THOC2: variants seen among roughly 807,000 people sequenced by gnomAD.
THOC2 encodes the protein THO complex 2.
THOC2 carries 10 observed loss-of-function variants against 128.4 expected under a neutral mutation model. The observed-to-expected ratio is 0.08, with a 90% CI of 0.05 to 0.13. The LOEUF is 0.13. Ranked by LOEUF, THOC2 falls within the 10% of genes least tolerant of loss-of-function variation. The pLI is 1.00. For missense variants in THOC2, 535 were observed against 1,155.7 expected, an observed-to-expected ratio of 0.46 and a Z score of 7.79; for synonymous variants, 393 against 396.9, an observed-to-expected ratio of 0.99 and a Z score of 0.12.
chrX:123,687,570 G>A (rs1389946095), intron 7 of THOC2, among the ~76,000 whole-genome samples: 1 of 111,548 alleles, frequency 9.0e-6, no homozygotes, highest in African/African-American at 3.3e-5. Context: ...ATGAGTTAGG[G>A]GATTTTCCCA....
intron 33 of THOC2, among the ~76,000 whole-genome samples, chrX:123,614,540 TA>T (rs1212953627): frequency 4.2e-4 from 42 of 101,023 alleles, no homozygotes; most frequent in African/African-American, 7.1e-4. Context: ...CTCTACTGTT[TA>T]AAAAAAAAAA....
intron 2 of THOC2, among the ~76,000 whole-genome samples, chrX:123,708,501 T>G (rs1009038744): frequency 1.8e-5 from 2 of 109,967 alleles, no homozygotes; most frequent in Admixed American, 9.7e-5. Context: ...ATTAAGGTGG[T>G]TTTTTTGGCT....
intron 1 of THOC2, among the ~76,000 whole-genome samples, chrX:123,716,155 G>T (rs1345479351): frequency 8.9e-6 from 1 of 112,422 alleles, no homozygotes; most frequent in Non-Finnish European, 1.9e-5. Context: ...GGGATGCAAG[G>T]ATGGTACAAC....
At chrX:123,604,384 C>CT (rs1200746621) in intron 38 of THOC2, among the ~76,000 whole-genome samples, 4 of 94,590 alleles carry the variant, frequency 4.2e-5, no homozygotes, top group Non-Finnish European at 6.4e-5. Context: ...TTTTTTTTTT[C>CT]TTTTTGGCCA....
intron 1 of THOC2, among the ~76,000 whole-genome samples, chrX:123,719,920 T>C (rs1190633520): frequency 9.4e-6 from 1 of 106,710 alleles, no homozygotes; most frequent in Non-Finnish European, 1.9e-5. Flanking sequence ...CAAAGCAAAA[T>C]GCTGTCTCAA....
intron 12 of THOC2, among the ~76,000 whole-genome samples, chrX:123,659,440 G>A (rs946653414): frequency 7.1e-5 from 8 of 112,291 alleles, no homozygotes; most frequent in Non-Finnish European, 1.5e-4. Context: ...GCACGGTGGC[G>A]CGTGCCTGTA....
chrX:123,641,020 G>C (rs2047891575), intron 15 of THOC2, among the ~76,000 whole-genome samples: 1 of 111,808 alleles, frequency 8.9e-6, no homozygotes, highest in Admixed American at 9.5e-5. Context: ...GCAATGAAAT[G>C]TCTCGTGCCA....
chrX:123,690,259 G>A (rs2050165935), intron 7 of THOC2, among the ~76,000 whole-genome samples: 1 of 111,508 alleles, frequency 9.0e-6, no homozygotes. Flanking sequence ...AAAGAGGCAA[G>A]AGAAAATTTC....
intron 32 of THOC2, chrX:123,620,701 C>A: frequency 2.9e-6 from 1 of 348,661 alleles, no homozygotes. Flanking sequence ...GTGCTAAGTC[C>A]TTGAAGTTTT....
intron 12 of THOC2, among the ~76,000 whole-genome samples, chrX:123,657,960 CGTGTGT>C (rs60969537): frequency 0.33 from 30,802 of 94,406 alleles, 3,775 homozygotes; most frequent in South Asian, 0.44. Flanking sequence ...TACGCATATG[CGTGTGT>C]GTGTGTGTGT....
chrX:123,670,049 G>C (rs745610689), intron 9 of THOC2, among the ~76,000 whole-genome samples: 3 of 111,631 alleles, frequency 2.7e-5, no homozygotes, highest in Admixed American at 9.5e-5. Flanking sequence ...CACATATGCC[G>C]GTCTATACTT....
At chrX:123,628,057 C>T in intron 22 of THOC2, 89 bp from the exon 23 acceptor site, 2 of 733,375 alleles carry the variant, frequency 2.7e-6, no homozygotes, top group Admixed American at 6.5e-5. Flanking sequence ...TCTATATTCC[C>T]TTCTAAAGAA....
chrX:123,696,103 G>A lies in THOC2; in HGVS notation c.519C>T (p.Ala173=). 8.4e-7 allele frequency: 1 copy of A among 1,187,209 alleles called. No homozygotes were observed. Among genetic ancestry groups the A allele is most frequent in the Non-Finnish European group, 1.1e-6 (1 of 874,506 alleles). ...NLLREENEGY[A]KLIAELGQDL... ...CTTGCCCCAATTCAGCAATCAGCTT[G>A]GCATAACCTTCATTCTCTTCTCTTA... The change falls in exon 7 of 39, where the codon GCC becomes GCT. Residue 173 remains alanine, a synonymous_variant. Transcript: ENST00000245838.
At chrX:123,698,457 CAAA>C (rs763092017) in intron 4 of THOC2, among the ~76,000 whole-genome samples, 2 of 36,084 alleles carry the variant, frequency 5.5e-5, no homozygotes, top group African/African-American at 9.6e-5. Flanking sequence ...GACTCTGTCT[CAAA>C]AAAAAAAAAA....
chrX:123,676,588 T>C (rs1206942668), intron 8 of THOC2, among the ~76,000 whole-genome samples: 2 of 112,546 alleles, frequency 1.8e-5, no homozygotes, highest in Non-Finnish European at 3.8e-5. Context: ...GTTGTTTTTG[T>C]GGCGAGACAG....
chrX:123,679,710 G>A lies in THOC2; in HGVS notation c.768+6838C>T, dbSNP rs189984700. ...TCTGTGTAGAAAGAAGTAGACATAG[G>A]AGGCTCCATTTTGTTCTGTACTAAG... is the stretch of plus-strand genomic sequence containing the variant. On this transcript the variant is annotated intron_variant, in intron 8 of 38. Transcript: ENST00000245838. Among the ~76,000 whole-genome samples, 839 of 111,651 alleles carry A rather than the reference G, an allele frequency of 7.5e-3. 5 individuals are homozygous for A. Among genetic ancestry groups the A allele is most frequent in the Non-Finnish European group, 0.012 (645 of 53,131 alleles).
intron 1 of THOC2, among the ~76,000 whole-genome samples, chrX:123,726,175 C>T (rs1373449429): frequency 1.8e-5 from 2 of 110,394 alleles, no homozygotes; most frequent in African/African-American, 6.6e-5. Context: ...CACCACTGCA[C>T]TCCAGCCTGG....
rs772310418 is a variant in THOC2 at position 123,621,268 on chromosome X, T to C, written c.4105A>G (p.Ile1369Val). 1 of 1,211,612 alleles carries C rather than the reference T, an allele frequency of 8.3e-7. No individual in the cohort carries two copies. The change falls in exon 31 of 39, where the codon ATA (isoleucine) becomes GTA (valine). Residue 1369 changes from isoleucine (I) to valine (V), a missense_variant. By Grantham distance (29) the Ile-to-Val change is conservative (BLOSUM62 3). Transcript: ENST00000245838. ...REKEPSRERD[I>V]AKEMKSKENV... ...TCCTTTGATTTCATTTCCTTTGCTATATCTCTTTCTCTGGATGGCTCCTTC... is the reference window on the plus strand; with the variant it reads ...TCCTTTGATTTCATTTCCTTTGCTACATCTCTTTCTCTGGATGGCTCCTTC...
In THOC2 at chrX:123,631,860, T is replaced by TA; in HGVS notation, c.2317-9dup. The TA allele has an allele frequency of 1.2e-5, 14 of 1,179,014 alleles. No homozygotes were observed. Among genetic ancestry groups the TA allele is most frequent in the Non-Finnish European group, 1.6e-5 (14 of 879,012 alleles). ...CACCAGGGTATCATGACACTAAATT[T>TA]AAAAAATAAGACAAAATCAACATAT... On this transcript the variant is annotated splice_polypyrimidine_tract_variant and intron_variant, in intron 21 of 38. Coordinates refer to ENST00000245838, the MANE Select transcript of THOC2 (RefSeq NM_001081550.2).
Sources: allele counts gnomAD v4.1 joint callset (sites outside exome capture counted in the v4.1 genomes callset), GRCh38; gene constraint gnomAD v4.1.1; transcripts MANE v1.5; gene names NCBI Gene and HGNC (gene_info 2026-07-23, HGNC 2026-07-21).